Variants in CDKL4 observed in about 807,000 individuals in gnomAD.
CDKL4 encodes cyclin dependent kinase like 4.
In CDKL4, 44 loss-of-function variants were observed where a neutral mutation model predicts 42.0. The observed-to-expected ratio is 1.05, with a 90% CI of 0.82 to 1.35. CDKL4 has a LOEUF of 1.35. Ranked by LOEUF, CDKL4 falls within the 40% of genes most tolerant of loss-of-function variation. The probability of loss-of-function intolerance (pLI) is 0.00; values close to 1 mark genes in which losing one functional copy is unlikely to be tolerated. For missense variants in CDKL4, 393 were observed against 369.9 expected (o/e 1.06, Z -0.51); for synonymous variants, 120 against 121.6 (o/e 0.99, Z 0.09).
upstream of CDKL4, among the ~76,000 whole-genome samples, chr2:39,244,411 G>C (rs1679818907): frequency 6.6e-6 from 1 of 152,246 alleles, no homozygotes; most frequent in African/African-American, 2.4e-5. Flanking sequence ...GAGGGACTTA[G>C]CACCCGGGCC....
intron 5 of CDKL4, among the ~76,000 whole-genome samples, chr2:39,196,600 T>C (rs1572966322): frequency 6.6e-6 from 1 of 151,894 alleles, no homozygotes; most frequent in Non-Finnish European, 1.5e-5. Flanking sequence ...AGTAACATGA[T>C]GACAAAATAA....
exon 2 of CDKL4, chr2:39,229,531 A>T: frequency 6.2e-7 from 1 of 1,601,482 alleles, no homozygotes; most frequent in Non-Finnish European, 8.5e-7. Context: ...ATACTTTTCC[A>T]TTATAGCTGA....
downstream of CDKL4, among the ~76,000 whole-genome samples, chr2:39,173,471 G>C (rs149818245): frequency 1.3e-5 from 2 of 152,058 alleles, no homozygotes; most frequent in Non-Finnish European, 2.9e-5. Context: ...GAGCCCAGGA[G>C]TTTGAGATCA....
intron 5 of CDKL4, among the ~76,000 whole-genome samples, chr2:39,197,188 A>G (rs1676568510): frequency 6.6e-6 from 1 of 152,248 alleles, no homozygotes; most frequent in African/African-American, 2.4e-5. Context: ...AAAATGCACT[A>G]GAAAGTCTCA....
At chr2:39,174,827 A>G (rs756425666), downstream of CDKL4, among the ~76,000 whole-genome samples, 1 of 152,114 alleles carries the variant, frequency 6.6e-6, no homozygotes, top group Non-Finnish European at 1.5e-5. Context: ...ATCATTTTTG[A>G]TGCCCAGGAT....
At chr2:39,228,688 T>C (rs546264087) in intron 2 of CDKL4, among the ~76,000 whole-genome samples, 2 of 152,218 alleles carry the variant, frequency 1.3e-5, no homozygotes, top group African/African-American at 4.8e-5. Context: ...CAATGCATAT[T>C]AACATTTGAG....
chr2:39,234,706 C>A (rs1679272228), intron 1 of CDKL4, among the ~76,000 whole-genome samples: 1 of 152,006 alleles, frequency 6.6e-6, no homozygotes, highest in Non-Finnish European at 1.5e-5. Context: ...CTCTGAGCCT[C>A]CAGACAAAAA....
At chr2:39,226,457 T>A (rs1429730881) in intron 2 of CDKL4, among the ~76,000 whole-genome samples, 1 of 133,464 alleles carries the variant, frequency 7.5e-6, no homozygotes, top group African/African-American at 2.6e-5. Flanking sequence ...ATATATATAT[T>A]ATATATATTA....
upstream of CDKL4, among the ~76,000 whole-genome samples, chr2:39,243,991 C>A (rs1679797630): frequency 6.6e-6 from 1 of 152,268 alleles, no homozygotes; most frequent in African/African-American, 2.4e-5. Context: ...CCAGCGGAAC[C>A]GCCGCAGCGT....
At chr2:39,215,423 C>A (rs192337727) in intron 3 of CDKL4, among the ~76,000 whole-genome samples, 1 of 152,074 alleles carries the variant, frequency 6.6e-6, no homozygotes, top group African/African-American at 2.4e-5. Context: ...TGTTGTTTGT[C>A]TTTCAGCCCT....
At chr2:39,171,232 G>A (rs1405989330), downstream of CDKL4, among the ~76,000 whole-genome samples, 4 of 145,140 alleles carry the variant, frequency 2.8e-5, no homozygotes, top group Admixed American at 1.4e-4. Context: ...GAGAGAGACC[G>A]TCTCAAAAAA....
chr2:39,223,523 C>G (rs558272520), intron 3 of CDKL4, among the ~76,000 whole-genome samples: 3 of 149,168 alleles, frequency 2.0e-5, no homozygotes, highest in Non-Finnish European at 4.4e-5. Context: ...TTTTGAATTT[C>G]CTTGATTAAT....
chr2:39,179,151 TA>T, intron 9 of CDKL4, 35 bp downstream of exon 9: 1 of 1,582,664 alleles, frequency 6.3e-7, no homozygotes, highest in Non-Finnish European at 8.5e-7. Context: ...AAAAAGGAAT[TA>T]TTTTTATAGC....
At chr2:39,235,408 T>C (rs187701161) in intron 1 of CDKL4, among the ~76,000 whole-genome samples, 49 of 152,138 alleles carry the variant, frequency 3.2e-4, no homozygotes, top group African/African-American at 1.1e-3. Context: ...GCAACTAAAT[T>C]ATGTTAAAAG....
intron 1 of CDKL4, among the ~76,000 whole-genome samples, chr2:39,230,961 G>A (rs545628333): frequency 6.6e-6 from 1 of 152,272 alleles, no homozygotes; most frequent in African/African-American, 2.4e-5. Flanking sequence ...TGTAATCCCA[G>A]AACTCTGGGA....
downstream of CDKL4, among the ~76,000 whole-genome samples, chr2:39,174,934 GT>G (rs1351967099): frequency 6.6e-6 from 1 of 151,984 alleles, no homozygotes; most frequent in African/African-American, 2.4e-5. Flanking sequence ...TGTATGTCAA[GT>G]TTAGTTGGGA....
At chr2:39,210,658 A>G (rs1677534527) in intron 4 of CDKL4, among the ~76,000 whole-genome samples, 1 of 152,216 alleles carries the variant, frequency 6.6e-6, no homozygotes, top group Non-Finnish European at 1.5e-5. Context: ...ATATAGGGAT[A>G]AAGTATAAAC....
intron 1 of CDKL4, among the ~76,000 whole-genome samples, chr2:39,235,702 A>G (rs1318406421): frequency 1.3e-5 from 2 of 152,202 alleles, no homozygotes; most frequent in Admixed American, 6.5e-5. Flanking sequence ...CTGTAGAACT[A>G]TGATCATGCC....
At chr2:39,244,807 CTG>C (rs1420465004), upstream of CDKL4, among the ~76,000 whole-genome samples, 1 of 152,188 alleles carries the variant, frequency 6.6e-6, no homozygotes, top group Non-Finnish European at 1.5e-5. Flanking sequence ...AATCGGCACT[CTG>C]TATCTAACTC....
Sources: allele counts gnomAD v4.1 joint callset (sites outside exome capture counted in the v4.1 genomes callset), GRCh38; gene constraint gnomAD v4.1.1; transcripts MANE v1.5; gene names NCBI Gene and HGNC (gene_info 2026-07-23, HGNC 2026-07-21).